The following ACAD11 variants were observed in gnomAD, a reference collection of about 807,000 sequenced individuals.
ACAD11 encodes acyl-Coenzyme A dehydrogenase family, member 11.
Under a neutral mutation model 102.2 loss-of-function variants are expected in ACAD11, and 83 were observed. The observed-to-expected ratio is 0.81, with a 90% CI of 0.68 to 0.97. The LOEUF (loss-of-function observed/expected upper bound fraction) is 0.97. ACAD11 is among the 50% of genes least tolerant of loss of function. ACAD11 has a pLI of 0.00. For synonymous variants in ACAD11, 324 were observed against 319.8 expected (o/e 1.01, Z -0.14); for missense variants, 901 against 951.7 (o/e 0.95, Z 0.70).
chr3:132,643,567 G>T (rs900006490), intron 2 of ACAD11, among the ~76,000 whole-genome samples: 11 of 152,172 alleles, frequency 7.2e-5, no homozygotes, highest in Admixed American at 3.3e-4. Flanking sequence ...CCATTCTAAG[G>T]AGGGGAAGCT....
At chr3:132,614,649 C>T (rs1055621304) in intron 11 of ACAD11, among the ~76,000 whole-genome samples, 1 of 152,134 alleles carries the variant, frequency 6.6e-6, no homozygotes, top group African/African-American at 2.4e-5. Context: ...TGGATGCCTT[C>T]TTTACACCTT....
chr3:132,641,241 A>G (rs370227101), intron 4 of ACAD11, among the ~76,000 whole-genome samples: 6 of 152,246 alleles, frequency 3.9e-5, no homozygotes, highest in African/African-American at 1.4e-4. Flanking sequence ...TGCTAGTCCA[A>G]TTGAGAAAGA....
intron 11 of ACAD11, among the ~76,000 whole-genome samples, chr3:132,617,329 G>A (rs1435824357): frequency 6.6e-6 from 1 of 152,136 alleles, no homozygotes; most frequent in Non-Finnish European, 1.5e-5. Flanking sequence ...TGCAAATCCA[G>A]TTTTGAAGAT....
intron 18 of ACAD11, 112 bp from the exon 19 acceptor site, chr3:132,560,054 G>T: frequency 1.3e-6 from 1 of 770,542 alleles, no homozygotes; most frequent in East Asian, 2.8e-5. Context: ...CACTAAAACA[G>T]GATCTTTAAC....
Position 132,642,113 on chromosome 3 carries a change from T to C in ACAD11, c.396A>G (p.Leu132=). The change falls in exon 4 of 20, where the codon TTA becomes TTG. Residue 132 remains leucine, a synonymous_variant. Coordinates refer to ENST00000264990, the MANE Select transcript of ACAD11 (RefSeq NM_032169.5). ...CTGCTGGGCTAAGTCCAGGAATTGT[T>C]AAATCACGGAAGATTCGACCCTATG... ...EHVQGRIFRD[L]TIPGLSPAER... The C allele has an allele frequency of 6.2e-7, 1 of 1,613,910 alleles. No individual in the cohort carries two copies. The highest frequency in any genetic ancestry group is 8.5e-7 in the Non-Finnish European group (1 of 1,179,888).
At chr3:132,639,044 T>C (rs953657956) in intron 5 of ACAD11, among the ~76,000 whole-genome samples, 2 of 152,222 alleles carry the variant, frequency 1.3e-5, no homozygotes, top group African/African-American at 4.8e-5. Flanking sequence ...TGTAATTCTT[T>C]TGAAGCCTCA....
rs187204922 is a variant in ACAD11 at position 132,587,709 on chromosome 3, A to G, written c.1622-8151T>C. Among the ~76,000 whole-genome samples the G allele has an allele frequency of 2.2e-3, 314 of 142,262 alleles. 3 individuals are homozygous for G. Among genetic ancestry groups the G allele is most frequent in the African/African-American group, 7.8e-3 (280 of 35,936 alleles). The allele number at this position is 142,262 out of a possible 152,430, so 93.3% of individuals were successfully genotyped here. On this transcript the variant is annotated intron_variant, in intron 13 of 19. Transcript: ENST00000264990. The stretch of plus-strand genomic sequence containing the variant: ...TTGTTTTGAAACTCTGGATTCTGTC[A>G]TATTCCTCCACAGAATGTTGATGGT...
intron 1 of ACAD11, among the ~76,000 whole-genome samples, chr3:132,655,336 T>G (rs1937730549): frequency 6.6e-6 from 1 of 152,156 alleles, no homozygotes; most frequent in African/African-American, 2.4e-5. Flanking sequence ...TTTGTTTGTT[T>G]AAAGATTACT....
chr3:132,579,419 A>T, intron 14 of ACAD11, 73 bp downstream of exon 14: 1 of 1,220,418 alleles, frequency 8.2e-7, no homozygotes, highest in Non-Finnish European at 1.2e-6. Context: ...AGTGAATTTT[A>T]AGTAAATTAC....
At chr3:132,607,075 C>T (rs979604085) in intron 11 of ACAD11, among the ~76,000 whole-genome samples, 1 of 152,106 alleles carries the variant, frequency 6.6e-6, no homozygotes, top group African/African-American at 2.4e-5. Context: ...ACAGGAATAG[C>T]ATGAACAACA....
intron 13 of ACAD11, among the ~76,000 whole-genome samples, chr3:132,590,334 G>A: frequency 6.6e-6 from 1 of 152,160 alleles, no homozygotes; most frequent in Non-Finnish European, 1.5e-5. Context: ...TCAGCTCACT[G>A]CAATCTCCCT....
chr3:132,630,688 T>C, intron 6 of ACAD11, 130 bp from the exon 7 acceptor site: 1 of 729,816 alleles, frequency 1.4e-6, no homozygotes, highest in East Asian at 3.0e-5. Context: ...AAACATGTTC[T>C]AAATCTTGAT....
intron 1 of ACAD11, among the ~76,000 whole-genome samples, chr3:132,652,403 T>G (rs904952669): frequency 6.6e-6 from 1 of 152,224 alleles, no homozygotes. Flanking sequence ...ATGTCTTTAT[T>G]AGCAATATGA....
At chr3:132,652,230 T>C (rs765253902) in intron 1 of ACAD11, among the ~76,000 whole-genome samples, 3 of 152,154 alleles carry the variant, frequency 2.0e-5, no homozygotes, top group Non-Finnish European at 4.4e-5. Flanking sequence ...CTGATGGTTT[T>C]ATAATGGAGA....
chr3:132,642,239 C>T lies in ACAD11; in HGVS notation c.376-106G>A, dbSNP rs1940554344. The T allele has an allele frequency of 4.7e-6, 5 of 1,072,752 alleles. No individual in the cohort carries two copies. The South Asian group carries it at 7.8e-5, about 17-fold the overall frequency. The allele number at this position is 1,072,752 out of a possible 1,614,324, so 66.5% of individuals were successfully genotyped here. On this transcript the variant is annotated intron_variant, in intron 3 of 19. Transcript: ENST00000264990. The stretch of plus-strand genomic sequence containing the variant: ...GAAACATATTTAATATTAGAGTATA[C>T]ATGCCAAAGGGAAAATAAAAGGATA...
At position 132,642,076 on chromosome 3, in the gene ACAD11, T is replaced by C. The variant is rs1433616828; in HGVS notation, c.433A>G (p.Ile145Val). Reference protein sequence around the residue: ...PGLSPAERSAIYVATVETLAQ... With the variant: ...PGLSPAERSAVYVATVETLAQ... ...AATGTTTCTACCGTGGCCACATATA[T>C]GGCTGAACGTTCTGCTGGGCTAAGT... The change falls in exon 4 of 20, where the codon ATA (isoleucine) becomes GTA (valine). Residue 145 changes from isoleucine to valine, a missense_variant. By Grantham distance (29) the Ile-to-Val change is conservative (BLOSUM62 3). Coordinates refer to ENST00000264990, the MANE Select transcript of ACAD11 (RefSeq NM_032169.5). 5 of 1,614,096 alleles carry C rather than the reference T, an allele frequency of 3.1e-6. No homozygotes were observed. Among genetic ancestry groups the C allele is most frequent in the Middle Eastern group, 1.7e-4 (1 of 6,060 alleles).
At chr3:132,585,754 T>C (rs1041180591) in intron 13 of ACAD11, among the ~76,000 whole-genome samples, 2 of 152,240 alleles carry the variant, frequency 1.3e-5, no homozygotes, top group African/African-American at 4.8e-5. Context: ...TCATCATCAC[T>C]GGCTATCAGA....
chr3:132,604,971 T>C (rs948242923), intron 12 of ACAD11, 127 bp downstream of exon 12: 1 of 587,336 alleles, frequency 1.7e-6, no homozygotes, highest in Non-Finnish European at 3.0e-6. Context: ...AAAATAAACA[T>C]ACTCACATTT....
At chr3:132,646,123 C>T (rs1291430775) in intron 1 of ACAD11, among the ~76,000 whole-genome samples, 4 of 152,086 alleles carry the variant, frequency 2.6e-5, no homozygotes, top group Non-Finnish European at 5.9e-5. Context: ...ACTACAGGCG[C>T]CCGCCACCGC....
Sources: allele counts gnomAD v4.1 joint callset (sites outside exome capture counted in the v4.1 genomes callset), GRCh38; gene constraint gnomAD v4.1.1; transcripts MANE v1.5; gene names NCBI Gene and HGNC (gene_info 2026-07-23, HGNC 2026-07-21).